Variants in SOX5 observed in about 807,000 individuals in gnomAD.
SOX5 encodes the protein transcription factor SOX-5.
SOX5 carries 9 observed loss-of-function variants against 92.0 expected under a neutral mutation model. That is an observed-to-expected ratio of 0.10 (90% CI 0.06 to 0.17). The LOEUF is 0.17. Ranked by LOEUF, SOX5 falls within the 10% of genes least tolerant of loss-of-function variation. The pLI is 1.00. For synonymous variants in SOX5, 344 were observed against 336.3 expected (o/e 1.02, Z -0.25); for missense variants, 642 against 944.5 (o/e 0.68, Z 4.20).
intron 3 of SOX5, among the ~76,000 whole-genome samples, chr12:24,220,955 C>T (rs1234965256): frequency 6.6e-6 from 1 of 152,188 alleles, no homozygotes; most frequent in Admixed American, 6.5e-5. Context: ...CTTATCTACA[C>T]TGGTTTTTGA....
intron 3 of SOX5, among the ~76,000 whole-genome samples, chr12:24,243,557 A>G (rs549241638): frequency 1.3e-5 from 2 of 152,290 alleles, no homozygotes; most frequent in East Asian, 1.9e-4. Context: ...TTCTTTTCAT[A>G]TAATCAGTCC....
At chr12:24,514,448 C>A (rs79677888) in intron 1 of SOX5, among the ~76,000 whole-genome samples, 1 of 152,252 alleles carries the variant, frequency 6.6e-6, no homozygotes, top group East Asian at 1.9e-4. Context: ...GTTGTTCCAC[C>A]TGCCAAAAAT....
chr12:24,075,038 G>C (rs1487935772), intron 4 of SOX5, among the ~76,000 whole-genome samples: 1 of 151,730 alleles, frequency 6.6e-6, no homozygotes, highest in Admixed American at 6.6e-5. Flanking sequence ...GAGGCAGGAG[G>C]ACTGCTTGAG....
At chr12:24,270,795 T>C (rs1363492049) in intron 3 of SOX5, among the ~76,000 whole-genome samples, 1 of 152,252 alleles carries the variant, frequency 6.6e-6, no homozygotes, top group Non-Finnish European at 1.5e-5. Context: ...CCTAGAATCA[T>C]CCTGTCTGTA....
intron 1 of SOX5, among the ~76,000 whole-genome samples, chr12:23,935,959 C>G (rs1942452521): frequency 6.6e-6 from 1 of 150,960 alleles, no homozygotes; most frequent in African/African-American, 2.4e-5. Context: ...CCCAGCTTTT[C>G]CACTTATTAC....
At chr12:23,893,705 A>C (rs984276503) in intron 2 of SOX5, among the ~76,000 whole-genome samples, 1 of 152,186 alleles carries the variant, frequency 6.6e-6, no homozygotes, top group Non-Finnish European at 1.5e-5. Context: ...GAGGACAGTG[A>C]TGAAAGTATT....
chr12:24,511,995 G>T (rs1207744034), intron 1 of SOX5, among the ~76,000 whole-genome samples: 1 of 150,048 alleles, frequency 6.7e-6, no homozygotes, highest in African/African-American at 2.5e-5. Context: ...CATTTTAAAT[G>T]ATAATTTGTT....
chr12:24,441,283 G>A (rs551843958), intron 1 of SOX5, among the ~76,000 whole-genome samples: 14 of 152,222 alleles, frequency 9.2e-5, no homozygotes, highest in East Asian at 5.8e-4. Context: ...AATGGGCCCC[G>A]TCCTCTCTTG....
chr12:23,693,546 T>C (rs73280001), intron 6 of SOX5, among the ~76,000 whole-genome samples: 3,571 of 152,334 alleles, frequency 0.023, 38 homozygotes, highest in African/African-American at 0.035. Flanking sequence ...TTCCCAGATA[T>C]TTAAAATGCT....
At position 23,815,194 on chromosome 12, in the gene SOX5, T is replaced by C. The variant is rs116781857; in HGVS notation, c.481+30789A>G. Among the ~76,000 whole-genome samples the C allele has an allele frequency of 1.2e-3, 185 of 152,134 alleles. 1 individual carries two copies. Among genetic ancestry groups the C allele is most frequent in the African/African-American group, 4.3e-3 (180 of 41,504 alleles). The stretch of plus-strand genomic sequence containing the variant: ...GGTCAGTTACCAGCAATTTCCTCCA[T>C]CTAGCTAGGGGTGGGGGCCATATAA... On this transcript the variant is annotated intron_variant, in intron 3 of 14. Coordinates refer to ENST00000451604, the MANE Select transcript of SOX5 (RefSeq NM_006940.6).
intron 3 of SOX5, among the ~76,000 whole-genome samples, chr12:24,267,000 T>C (rs1344288381): frequency 6.6e-6 from 1 of 152,220 alleles, no homozygotes; most frequent in Non-Finnish European, 1.5e-5. Flanking sequence ...CTAATCCTTC[T>C]AGAATTCATA....
chr12:23,792,462 A>G (rs749889421), intron 3 of SOX5, among the ~76,000 whole-genome samples: 14 of 151,466 alleles, frequency 9.2e-5, no homozygotes, highest in Non-Finnish European at 1.5e-4. Context: ...ATCTCTACTA[A>G]AAATACAAAA....
At chr12:24,535,833 A>G (rs955318374) in intron 1 of SOX5, among the ~76,000 whole-genome samples, 1 of 152,068 alleles carries the variant, frequency 6.6e-6, no homozygotes, top group Non-Finnish European at 1.5e-5. Flanking sequence ...TCTGAAAACC[A>G]TTCTCTACCA....
intron 4 of SOX5, among the ~76,000 whole-genome samples, chr12:24,041,115 T>G (rs893135670): frequency 6.6e-6 from 1 of 152,210 alleles, no homozygotes; most frequent in Non-Finnish European, 1.5e-5. Context: ...GTAGGAAAAC[T>G]GATGTAGCTG....
chr12:23,669,067 T>A (rs1202391557), intron 6 of SOX5, among the ~76,000 whole-genome samples: 1 of 152,014 alleles, frequency 6.6e-6, no homozygotes, highest in Admixed American at 6.6e-5. Flanking sequence ...AATCAACATC[T>A]GCTAAGTAGA....
At chr12:24,229,771 G>C (rs936054830) in intron 3 of SOX5, among the ~76,000 whole-genome samples, 1 of 152,154 alleles carries the variant, frequency 6.6e-6, no homozygotes, top group African/African-American at 2.4e-5. Flanking sequence ...GTTGTGACCC[G>C]GCTAATAGGC....
intron 13 of SOX5, among the ~76,000 whole-genome samples, chr12:23,539,690 G>A (rs1941501209): frequency 3.3e-5 from 5 of 152,006 alleles, no homozygotes; most frequent in Admixed American, 3.3e-4. Context: ...AGATAAGTTG[G>A]CTTCCAAATC....
chr12:23,738,145 A>G (rs2093669323), intron 5 of SOX5, among the ~76,000 whole-genome samples: 1 of 152,206 alleles, frequency 6.6e-6, no homozygotes, highest in South Asian at 2.1e-4. Context: ...ATGAATGTGG[A>G]ATGGAGCTCA....
chr12:24,130,276 C>T (rs893412880), intron 4 of SOX5, among the ~76,000 whole-genome samples: 11 of 152,114 alleles, frequency 7.2e-5, no homozygotes, highest in African/African-American at 2.7e-4. Context: ...CTGAAGAAAG[C>T]GACGCATCTG....
Sources: gnomAD v4.1 joint callset for allele counts (sites outside exome capture counted in the v4.1 genomes callset) on GRCh38, gnomAD v4.1.1 for gene constraint, MANE v1.5 for transcripts, NCBI Gene and HGNC (gene_info 2026-07-23, HGNC 2026-07-21) for gene names.